Variants in ITPK1 observed in about 807,000 individuals in gnomAD.
ITPK1 encodes inositol 1,3,4-trisphosphate 5/6-kinase.
Under a neutral mutation model 45.3 loss-of-function variants are expected in ITPK1, and 21 were observed. The ratio of observed to expected loss-of-function variants is 0.46; its 90% CI spans 0.33 to 0.67. The LOEUF (loss-of-function observed/expected upper bound fraction) is 0.67. ITPK1 is among the 30% of genes least tolerant of loss of function. The pLI is 0.02. For missense variants in ITPK1, 474 were observed against 573.5 expected, an observed-to-expected ratio of 0.83 and a Z score of 1.77; for synonymous variants, 258 against 253.6, an observed-to-expected ratio of 1.02 and a Z score of -0.16.
At chr14:93,056,811 T>C (rs1453245165) in intron 3 of ITPK1, among the ~76,000 whole-genome samples, 2 of 152,218 alleles carry the variant, frequency 1.3e-5, no homozygotes, top group African/African-American at 4.8e-5. Flanking sequence ...CTATAGCAAT[T>C]TGTGGGGAAT....
At chr14:92,983,215 A>T (rs191949419) in intron 5 of ITPK1, among the ~76,000 whole-genome samples, 39 of 152,132 alleles carry the variant, frequency 2.6e-4, no homozygotes, top group Non-Finnish European at 4.9e-4. Flanking sequence ...ACGTGGGTAG[A>T]CTCTGTGGCA....
At chr14:92,953,677 G>A (rs2078380345) in intron 8 of ITPK1, among the ~76,000 whole-genome samples, 2 of 152,244 alleles carry the variant, frequency 1.3e-5, no homozygotes, top group Non-Finnish European at 2.9e-5. Flanking sequence ...GGTAGACACA[G>A]CAAAGATCAG....
chr14:92,954,545 G>A (rs1429569627), intron 8 of ITPK1, among the ~76,000 whole-genome samples: 1 of 152,222 alleles, frequency 6.6e-6, no homozygotes, highest in Non-Finnish European at 1.5e-5. Context: ...AGCACCAGTG[G>A]AGAACTACCA....
intron 10 of ITPK1, 73 bp downstream of exon 10, chr14:92,946,258 C>G: frequency 6.4e-7 from 1 of 1,554,710 alleles, no homozygotes; most frequent in East Asian, 2.3e-5. Context: ...TCAGTCACCC[C>G]GCCTCACCTG....
At chr14:93,067,835 A>AAG (rs1287062757) in intron 3 of ITPK1, 1 of 153,484 alleles carries the variant, frequency 6.5e-6, no homozygotes, top group African/African-American at 2.4e-5. Flanking sequence ...TACATAGCCT[A>AAG]AGCAAATAGT....
intron 5 of ITPK1, among the ~76,000 whole-genome samples, chr14:92,971,943 C>T (rs1041305761): frequency 3.3e-5 from 5 of 152,194 alleles, no homozygotes; most frequent in African/African-American, 1.2e-4. Context: ...GCCTGCCCTC[C>T]TGGGACACTG....
In ITPK1 at chr14:92,962,770, G is replaced by A. The variant is rs760022527; in HGVS notation, c.444C>T (p.Asn148=). The change falls in exon 6 of 11, where the codon AAC becomes AAT. Residue 148 remains asparagine (N), a synonymous_variant. Transcript: ENST00000267615. ...ACGCACTGAATGGGAAAGTCAAGCC[G>A]TTCTTCTCCAGCAGCCGCATGGTGT... ...GDDTMRLLEK[N]GLTFPFICKT... The A allele has an allele frequency of 8.1e-6, 13 of 1,613,602 alleles. No homozygotes were observed. The highest frequency in any genetic ancestry group is 1.7e-4 in the Middle Eastern group (1 of 6,058).
intron 5 of ITPK1, among the ~76,000 whole-genome samples, chr14:92,970,861 TC>T (rs1885613085): frequency 6.6e-6 from 1 of 152,112 alleles, no homozygotes; most frequent in African/African-American, 2.4e-5. Flanking sequence ...GGTCTCGATC[TC>T]CTGACCCCGT....
intron 3 of ITPK1, among the ~76,000 whole-genome samples, chr14:93,038,615 C>A (rs982443299): frequency 1.3e-5 from 2 of 152,142 alleles, no homozygotes; most frequent in Admixed American, 1.3e-4. Context: ...GCAACCTCCA[C>A]CTCCTGGGTT....
intron 4 of ITPK1, among the ~76,000 whole-genome samples, chr14:93,007,710 G>A (rs1464492260): frequency 1.3e-5 from 2 of 152,158 alleles, no homozygotes; most frequent in Admixed American, 6.5e-5. Flanking sequence ...ACCTGGCTAC[G>A]ACATCTACCC....
chr14:93,075,953 C>A (rs573857805), intron 3 of ITPK1, among the ~76,000 whole-genome samples: 1 of 152,262 alleles, frequency 6.6e-6, no homozygotes, highest in African/African-American at 2.4e-5. Flanking sequence ...CCAGGTACAG[C>A]CTTTAGTGCA....
intron 3 of ITPK1, among the ~76,000 whole-genome samples, chr14:93,051,619 G>GA (rs11442406): frequency 0.23 from 30,042 of 129,628 alleles, 3,696 homozygotes; most frequent in Admixed American, 0.36. Flanking sequence ...TGTCTCAAAA[G>GA]AAAAAAAAAA....
Position 93,106,297 on chromosome 14 carries a change from C to T in ITPK1, c.95+8772G>A, listed in dbSNP as rs77175323. On this transcript the variant is annotated intron_variant, in intron 2 of 10. Transcript: ENST00000267615. The stretch of plus-strand genomic sequence containing the variant: ...CCCCGAGGGCATAACTGCAGCCTCC[C>T]TCGGATGGGAGGAAGGTCACACTGT... 6.9e-3 allele frequency among the ~76,000 whole-genome samples: 1,031 copies of T among 150,136 alleles called. 13 individuals carry two copies. The highest frequency in any genetic ancestry group is 0.024 in the African/African-American group (995 of 41,360).
intron 2 of ITPK1, among the ~76,000 whole-genome samples, chr14:93,109,513 T>C (rs1892660396): frequency 6.6e-6 from 1 of 152,182 alleles, no homozygotes; most frequent in Non-Finnish European, 1.5e-5. Flanking sequence ...CTAGTAATAG[T>C]AACAAGATTA....
chr14:92,949,064 G>C (rs562036142), intron 9 of ITPK1, among the ~76,000 whole-genome samples: 4 of 152,176 alleles, frequency 2.6e-5, no homozygotes, highest in Admixed American at 2.0e-4. Flanking sequence ...CTGGCTGTAA[G>C]AGACACTCAT....
At chr14:93,015,295 A>T (rs549174302) in intron 4 of ITPK1, among the ~76,000 whole-genome samples, 191 of 152,292 alleles carry the variant, frequency 1.3e-3, no homozygotes, top group African/African-American at 4.4e-3. Context: ...AAGGCTGGTG[A>T]GTCTGCACTG....
At chr14:93,004,889 G>A (rs1018045225) in intron 4 of ITPK1, among the ~76,000 whole-genome samples, 2 of 151,838 alleles carry the variant, frequency 1.3e-5, no homozygotes, top group African/African-American at 4.8e-5. Flanking sequence ...CCAAGCAGAG[G>A]GGACAGCAAA....
intron 3 of ITPK1, among the ~76,000 whole-genome samples, chr14:93,035,049 T>C (rs571347280): frequency 1.0e-3 from 154 of 152,346 alleles, no homozygotes; most frequent in Middle Eastern, 3.4e-3. Context: ...CGCTAGGTTC[T>C]AGGGGCTTCA....
intron 4 of ITPK1, among the ~76,000 whole-genome samples, chr14:93,004,192 G>C (rs528740885): frequency 1.6e-4 from 24 of 152,334 alleles, no homozygotes; most frequent in Non-Finnish European, 2.2e-4. Flanking sequence ...AGGGAGGCCA[G>C]CAGGAGGCAC....
Sources: gnomAD v4.1 joint callset for allele counts (sites outside exome capture counted in the v4.1 genomes callset) on GRCh38, gnomAD v4.1.1 for gene constraint, MANE v1.5 for transcripts, NCBI Gene and HGNC (gene_info 2026-07-23, HGNC 2026-07-21) for gene names.